Variants in VSTM4 observed in about 807,000 individuals in gnomAD.
The protein encoded by VSTM4 is V-set and transmembrane domain-containing protein 4.
A neutral mutation model predicts 36.4 loss-of-function variants in VSTM4; 20 were observed. That is an observed-to-expected ratio of 0.55 (90% CI 0.39 to 0.80). VSTM4 has a LOEUF of 0.80. Ranked by LOEUF, VSTM4 falls within the 30% of genes least tolerant of loss-of-function variation. The pLI, the probability that VSTM4 is intolerant of heterozygous loss-of-function variation, is 0.00. For synonymous variants in VSTM4, 182 were observed against 173.9 expected, an observed-to-expected ratio of 1.05 and a Z score of -0.37; for missense variants, 392 against 404.5, an observed-to-expected ratio of 0.97 and a Z score of 0.26.
chr10:49,108,860 CACCCAGACCAGTAG>C (rs971524053), intron 1 of VSTM4, among the ~76,000 whole-genome samples: 3 of 152,158 alleles, frequency 2.0e-5, no homozygotes, highest in Admixed American at 2.0e-4. Context: ...CCCACTCCAC[CACCCAGACCAGTAG>C]ACCTCAGAGA....
At chr10:49,064,814 G>T in intron 4 of VSTM4, 78 bp from the exon 5 acceptor site, 1 of 1,493,342 alleles carries the variant, frequency 6.7e-7, no homozygotes, top group Non-Finnish European at 9.2e-7. Flanking sequence ...ACAAGGAAAT[G>T]CCGGGAGCCA....
At chr10:49,047,756 G>T (rs1452187676) in intron 6 of VSTM4, among the ~76,000 whole-genome samples, 2 of 152,106 alleles carry the variant, frequency 1.3e-5, no homozygotes, top group Non-Finnish European at 2.9e-5. Flanking sequence ...TCACCAACAG[G>T]CTTCCCCACA....
chr10:49,014,382 T>C lies in VSTM4; in HGVS notation c.*5268A>G, dbSNP rs4838440. 7,662 of 152,290 alleles carry C rather than the reference T, an allele frequency of 0.05. 229 individuals are homozygous for C. Among genetic ancestry groups the C allele is most frequent in the Middle Eastern group, 0.12 (35 of 294 alleles). The allele number at this position is 152,290 out of a possible 1,614,324, so 9.4% of individuals were successfully genotyped here. On this transcript the variant is annotated 3_prime_UTR_variant, in exon 8 of 8. Coordinates refer to ENST00000332853, the MANE Select transcript of VSTM4 (RefSeq NM_001031746.5). ...AGACACTAAATTGGAGTGACGCTAA[T>C]AGCATTGTGTTTATTAGAAATTGGG...
chr10:49,054,869 G>A (rs1035379622), intron 5 of VSTM4, among the ~76,000 whole-genome samples: 4 of 152,136 alleles, frequency 2.6e-5, no homozygotes, highest in South Asian at 2.1e-4. Flanking sequence ...GAGGTGCAGC[G>A]AACTGTGTGA....
rs140037213 is a variant in VSTM4, at chr10:49,099,688, G to A, written c.457+7906C>T. Among the ~76,000 whole-genome samples, 14 of 152,302 alleles carry A rather than the reference G, an allele frequency of 9.2e-5. No individual in the cohort carries two copies. In the East Asian group the frequency reaches 1.3e-3, roughly 15 times the overall value. On this transcript the variant is annotated intron_variant, in intron 2 of 7. Transcript: ENST00000332853. ...TGGCACAGGCAATTGGAGAAACTGCGTCTTTTTCTTTGCCTTTCCTTTTAC... is the reference window on the plus strand; with the variant it reads ...TGGCACAGGCAATTGGAGAAACTGCATCTTTTTCTTTGCCTTTCCTTTTAC...
chr10:49,069,639 C>A (rs906439268), intron 4 of VSTM4, among the ~76,000 whole-genome samples: 1 of 152,210 alleles, frequency 6.6e-6, no homozygotes, highest in Non-Finnish European at 1.5e-5. Flanking sequence ...CAGAGCCCAG[C>A]CCCCTCCAGG....
chr10:49,078,893 A>G (rs1844228246), intron 3 of VSTM4, among the ~76,000 whole-genome samples: 1 of 152,196 alleles, frequency 6.6e-6, no homozygotes, highest in African/African-American at 2.4e-5. Flanking sequence ...GCGCAGTGGC[A>G]TAATCTTGGC....
intron 4 of VSTM4, among the ~76,000 whole-genome samples, chr10:49,073,905 G>A (rs958842500): frequency 1.3e-5 from 2 of 152,218 alleles, no homozygotes; most frequent in Admixed American, 1.3e-4. Flanking sequence ...CCATGCTAAT[G>A]CACAATGAAT....
chr10:49,110,567 G>A (rs79807847), intron 1 of VSTM4, among the ~76,000 whole-genome samples: 2,416 of 152,188 alleles, frequency 0.016, 68 homozygotes, highest in African/African-American at 0.056. Flanking sequence ...ATGTTGAAGC[G>A]TTAGCCCCAG....
At chr10:49,097,623 G>A (rs768117422) in intron 2 of VSTM4, among the ~76,000 whole-genome samples, 3 of 152,198 alleles carry the variant, frequency 2.0e-5, no homozygotes, top group African/African-American at 4.8e-5. Context: ...TGAGCATGCA[G>A]GACAGACATG....
Position 49,107,690 on chromosome 10 carries a change from C to A in VSTM4, c.361G>T (p.Asp121Tyr). ...RLSVLTLQPS[D>Y]QGHYVCRVQE... The stretch of plus-strand genomic sequence containing the variant: ...ACTCTGCAGACGTAATGCCCTTGAT[C>A]GGAGGGCTGCAGTGTCAAGACGGAG... Residue 121 changes from aspartate (D) to tyrosine (Y), a missense_variant, in exon 2 of 8, where the codon GAT becomes TAT. Coordinates refer to ENST00000332853, the MANE Select transcript of VSTM4 (RefSeq NM_001031746.5). 1 of 1,614,202 alleles carries A rather than the reference C, an allele frequency of 6.2e-7. No individual in the cohort carries two copies. Among genetic ancestry groups the A allele is most frequent in the South Asian group, 1.1e-5 (1 of 91,084 alleles).
Position 49,107,881 on chromosome 10 carries a change from A to C in VSTM4, c.170T>G (p.Leu57Trp). ...HVSQKRRKDS[L>W]LAVRWFFAHS... ...TGCAAAGAACCAGCGCACGGCCAGC[A>C]AGCTGTCCTTCCGCCTTTTCTGGGA... is the stretch of plus-strand genomic sequence containing the variant. The change falls in exon 2 of 8, where the codon TTG (leucine) becomes TGG (tryptophan). Residue 57 changes from leucine (L) to tryptophan (W), a missense_variant. Leu to Trp is a moderately conservative substitution (Grantham distance 61). Coordinates refer to ENST00000332853, the MANE Select transcript of VSTM4 (RefSeq NM_001031746.5). 6.2e-7 allele frequency: 1 copy of C among 1,614,214 alleles called. No homozygotes were observed. Among genetic ancestry groups the C allele is most frequent in the Non-Finnish European group, 8.5e-7 (1 of 1,180,022 alleles).
intron 1 of VSTM4, among the ~76,000 whole-genome samples, chr10:49,110,121 G>A (rs542901182): frequency 4.6e-5 from 7 of 152,280 alleles, no homozygotes; most frequent in Non-Finnish European, 1.0e-4. Flanking sequence ...GCCCCACCCC[G>A]CCCTCAAGAG....
At chr10:49,107,254 C>A (rs892013277) in intron 2 of VSTM4, among the ~76,000 whole-genome samples, 13 of 152,214 alleles carry the variant, frequency 8.5e-5, no homozygotes, top group Non-Finnish European at 1.6e-4. Flanking sequence ...CTGCCCTGAC[C>A]CCTTTGACCA....
intron 5 of VSTM4, among the ~76,000 whole-genome samples, chr10:49,063,484 G>C (rs138359484): frequency 6.6e-6 from 1 of 152,154 alleles, no homozygotes; most frequent in Non-Finnish European, 1.5e-5. Flanking sequence ...ATAGTAGCTT[G>C]TCAGAAGGTC....
At chr10:49,035,448 G>A (rs147931944) in intron 7 of VSTM4, among the ~76,000 whole-genome samples, 27 of 152,206 alleles carry the variant, frequency 1.8e-4, no homozygotes, top group African/African-American at 6.3e-4. Flanking sequence ...AACAAAGTGG[G>A]GACAACTCTG....
At chr10:49,071,506 T>G (rs1844078686) in intron 4 of VSTM4, among the ~76,000 whole-genome samples, 2 of 152,164 alleles carry the variant, frequency 1.3e-5, no homozygotes, top group African/African-American at 4.8e-5. Context: ...AAGCAACATA[T>G]GTGTGCAATC....
intron 1 of VSTM4, among the ~76,000 whole-genome samples, chr10:49,114,435 AC>A (rs972615924): frequency 4.0e-5 from 6 of 151,598 alleles, no homozygotes; most frequent in Admixed American, 3.9e-4. Flanking sequence ...AGCCAGGCTA[AC>A]TGGGTTCAAA....
chr10:49,074,094 A>G (rs1376214060), intron 4 of VSTM4, among the ~76,000 whole-genome samples: 16 of 152,182 alleles, frequency 1.1e-4, no homozygotes, highest in Non-Finnish European at 4.4e-5. Context: ...ATATACAAAC[A>G]GGTGCTTATC....
Sources: gnomAD v4.1 joint callset for allele counts (sites outside exome capture counted in the v4.1 genomes callset) on GRCh38, gnomAD v4.1.1 for gene constraint, MANE v1.5 for transcripts, NCBI Gene and HGNC (gene_info 2026-07-23, HGNC 2026-07-21) for gene names.